Variants in SLC12A5 observed in about 807,000 individuals in gnomAD.
SLC12A5 encodes the protein K-Cl cotransporter 2.
A neutral mutation model predicts 124.0 loss-of-function variants in SLC12A5; 18 were observed. The ratio of observed to expected loss-of-function variants is 0.15; its 90% CI spans 0.10 to 0.22. The LOEUF (loss-of-function observed/expected upper bound fraction) is 0.22. Among genes scored for constraint, SLC12A5 ranks in the 10% least tolerant of loss-of-function variants. The pLI is 1.00. For missense variants in SLC12A5, 867 were observed against 1,478.7 expected (o/e 0.59, Z 6.78); for synonymous variants, 589 against 568.0 (o/e 1.04, Z -0.53).
At chr20:46,046,677 G>A (rs538438825) in intron 14 of SLC12A5, among the ~76,000 whole-genome samples, 35 of 152,216 alleles carry the variant, frequency 2.3e-4, no homozygotes, top group Admixed American at 5.2e-4. Flanking sequence ...TCTCCTGTCC[G>A]TGATGCCCAA....
chr20:46,056,328 A>G lies in SLC12A5; in HGVS notation c.2911-37A>G. The G allele has an allele frequency of 1.2e-6, 2 of 1,610,636 alleles. No homozygotes were observed. Among genetic ancestry groups the G allele is most frequent in the Non-Finnish European group, 1.7e-6 (2 of 1,177,866 alleles). On this transcript the variant is annotated intron_variant, in intron 22 of 25. Coordinates refer to ENST00000243964, the MANE Select transcript of SLC12A5 (RefSeq NM_020708.5). The surrounding 1 kb of genome is among the most constrained non-coding windows in gnomAD (Gnocchi z 4.3). The stretch of plus-strand genomic sequence containing the variant: ...AGTGGGAGCAGAGCCCTTGGCCTCC[A>G]AAGGACTCAACTGCCATCGCTTCAT...
In SLC12A5 at chr20:46,045,828, G is replaced by T; in HGVS notation, c.1570-50G>T. 6.7e-7 allele frequency: 1 copy of T among 1,500,142 alleles called. No homozygotes were observed. The allele number at this position is 1,500,142 out of a possible 1,614,324, so 92.9% of individuals were successfully genotyped here. On this transcript the variant is annotated intron_variant, in intron 12 of 25. Coordinates refer to ENST00000243964, the MANE Select transcript of SLC12A5 (RefSeq NM_020708.5). The surrounding 1 kb of genome is among the most constrained non-coding windows in gnomAD (Gnocchi z 4.9). ...CTGGTTCCCGAGGCTAGGGGAGAGG[G>T]CTGAGAAATCCTTGAGGTCTCAGTC...
chr20:46,040,305 T>C (rs2084533970), intron 6 of SLC12A5, 68 bp from the exon 7 acceptor site: 1 of 1,586,164 alleles, frequency 6.3e-7, no homozygotes. Flanking sequence ...TCTTTTTTCC[T>C]AAAGCGCTGC....
chr20:46,042,009 T>C (rs1282594985), intron 8 of SLC12A5, among the ~76,000 whole-genome samples: 1 of 152,252 alleles, frequency 6.6e-6, no homozygotes, highest in East Asian at 1.9e-4. Context: ...AAATGAAAGA[T>C]CTTCAATTCT....
chr20:46,030,611 T>C (rs569051387), intron 1 of SLC12A5, among the ~76,000 whole-genome samples: 2 of 152,146 alleles, frequency 1.3e-5, no homozygotes, highest in South Asian at 4.1e-4. Flanking sequence ...AACGTTCCCC[T>C]GGGCACTGCT....
chr20:46,042,557 T>C (rs544923379), intron 8 of SLC12A5, among the ~76,000 whole-genome samples: 1 of 152,018 alleles, frequency 6.6e-6, no homozygotes, highest in Non-Finnish European at 1.5e-5. Flanking sequence ...TGGCATCTAG[T>C]AGGTAGAGGC....
In SLC12A5 at chr20:46,049,653, C is replaced by A. The variant is rs1244371557; in HGVS notation, c.2044C>A (p.Gln682Lys). The change falls in exon 17 of 26, where the codon CAA (glutamine) becomes AAA (lysine). Residue 682 changes from glutamine to lysine, a missense_variant. By Grantham distance (53) the Gln-to-Lys change is moderately conservative. This residue lies in a region of SLC12A5 where 38 missense variants were observed against 36.2 expected (regional missense o/e 1.05). Coordinates refer to ENST00000243964, the MANE Select transcript of SLC12A5 (RefSeq NM_020708.5). ...PQLLVLVRVDQDQNVVHPQLL... is the reference protein window; with the variant it reads ...PQLLVLVRVDKDQNVVHPQLL... Reference sequence around the variant, plus strand: ...GCTGCTGGTGCTGGTGCGTGTGGACCAAGACCAGAATGTGGTGCACCCCCA... The same window carrying A: ...GCTGCTGGTGCTGGTGCGTGTGGACAAAGACCAGAATGTGGTGCACCCCCA... The A allele has an allele frequency of 6.2e-7, 1 of 1,606,338 alleles. No individual in the cohort carries two copies. Among genetic ancestry groups the A allele is most frequent in the East Asian group, 2.2e-5 (1 of 44,600 alleles).
Position 46,034,017 on chromosome 20 carries a change from A to T in SLC12A5, c.53-931A>T, listed in dbSNP as rs138421907. On this transcript the variant is annotated intron_variant, in intron 1 of 25. Coordinates refer to ENST00000243964, the MANE Select transcript of SLC12A5 (RefSeq NM_020708.5). ...CTCTGGATGAGGTCCACATTCTTGA[A>T]CACGACCTGCTAATCATTTAAGGGA... Among the ~76,000 whole-genome samples the T allele has an allele frequency of 9.2e-3, 1,403 of 152,192 alleles. 17 individuals carry two copies. The highest frequency in any genetic ancestry group is 0.013 in the Non-Finnish European group (861 of 68,004).
At chr20:46,055,991 G>A (rs924571941) in intron 21 of SLC12A5, 159 bp from the exon 22 acceptor site, 2 of 984,496 alleles carry the variant, frequency 2.0e-6, no homozygotes, top group South Asian at 1.7e-5. Flanking sequence ...CAGATCAGTG[G>A]TGCAGTAGCT....
In SLC12A5 at chr20:46,056,486, A is replaced by ACAAGT. The variant is rs1568869355; in HGVS notation, c.3034_3038dup (p.Val1014SerfsTer24). ...AAGGTGCATCTCACCTGGACCAAGGACAAGTCGGTGGCAGAGAAGAATAAG... is the reference window on the plus strand; with the variant it reads ...AAGGTGCATCTCACCTGGACCAAGGACAAGTCAAGTCGGTGGCAGAGAAGAATAAG... On this transcript the variant is annotated frameshift_variant, in exon 23 of 26. Coordinates refer to ENST00000243964, the MANE Select transcript of SLC12A5 (RefSeq NM_020708.5). LOFTEE classifies it high-confidence loss of function. The surrounding 1 kb of genome is among the most constrained non-coding windows in gnomAD (Gnocchi z 4.3). 1 of 1,614,172 alleles carries ACAAGT rather than the reference A, an allele frequency of 6.2e-7. No individual in the cohort carries two copies. The highest frequency in any genetic ancestry group is 2.2e-5 in the East Asian group (1 of 44,876).
At position 46,056,238 on chromosome 20, in the gene SLC12A5, C is replaced by T. The variant is rs759314815; in HGVS notation, c.2876C>T (p.Thr959Met). The change falls in exon 22 of 26, where the codon ACG (threonine) becomes ATG (methionine). Residue 959 changes from threonine (T) to methionine (M), a missense_variant. By Grantham distance (81) the Thr-to-Met change is moderately conservative. This residue lies in a region of SLC12A5 where 180 missense variants were observed against 243.6 expected (regional missense o/e 0.74). Coordinates refer to ENST00000243964, the MANE Select transcript of SLC12A5 (RefSeq NM_020708.5). The surrounding 1 kb of genome is among the most constrained non-coding windows in gnomAD (Gnocchi z 4.3). ...CTCCGCCTGAACGTCCCAGAAGAGACGGCTGGTGACAGTGAAGAGAAGCCA... is the reference window on the plus strand; with the variant it reads ...CTCCGCCTGAACGTCCCAGAAGAGATGGCTGGTGACAGTGAAGAGAAGCCA... Reference protein sequence around the residue: ...TRLRLNVPEETAGDSEEKPEE... With the variant: ...TRLRLNVPEEMAGDSEEKPEE... 3.0e-5 allele frequency: 48 copies of T among 1,614,038 alleles called. No individual in the cohort carries two copies. The highest frequency in any genetic ancestry group is 6.7e-5 in the East Asian group (3 of 44,894).
Position 46,053,097 on chromosome 20 carries a change from C to T in SLC12A5, c.2518C>T (p.Leu840=), listed in dbSNP as rs762205390. 6.2e-7 allele frequency: 1 copy of T among 1,611,410 alleles called. No individual in the cohort carries two copies. The highest frequency in any genetic ancestry group is 1.1e-5 in the South Asian group (1 of 91,038). ...TGTGCACGATGGAGGCATGCTCATG[C>T]TGCTGCCCTTCCTGCTGCGGCACCA... ...WIVHDGGMLM[L]LPFLLRHHKV... Residue 840 remains leucine, a synonymous_variant, in exon 19 of 26, where the codon CTG becomes TTG. Coordinates refer to ENST00000243964, the MANE Select transcript of SLC12A5 (RefSeq NM_020708.5). This position sits in a 1 kb window ranked among gnomAD's most constrained non-coding sequence, Gnocchi z 4.7.
Position 46,051,661 on chromosome 20 carries a change from T to A in SLC12A5, c.2182-14T>A. 1 of 1,597,194 alleles carries A rather than the reference T, an allele frequency of 6.3e-7. No individual in the cohort carries two copies. On this transcript the variant is annotated splice_polypyrimidine_tract_variant and intron_variant, in intron 17 of 25. Transcript: ENST00000243964. ...AGGCCTGAGGCTGGTCCTTGTCTTTTCCCCCTCCCCTAGTCTATCAGGCGC... is the reference window on the plus strand; with the variant it reads ...AGGCCTGAGGCTGGTCCTTGTCTTTACCCCCTCCCCTAGTCTATCAGGCGC...
At position 46,059,125 on chromosome 20, in the gene SLC12A5, G is replaced by A; in HGVS notation, c.*1520G>A. 4.6e-6 allele frequency: 1 copy of A among 218,494 alleles called. No homozygotes were observed. The highest frequency in any genetic ancestry group is 8.9e-6 in the Non-Finnish European group (1 of 112,290). The allele number at this position is 218,494 out of a possible 1,614,324, so 13.5% of individuals were successfully genotyped here. A position where few individuals can be genotyped will look rare whatever the true frequency, so the allele number is the denominator to read the frequency against. ...TTCCCCTAGGGCACATTACTAAGGG[G>A]GTCAGGCACTGCATGCTCGTTCCAG... On this transcript the variant is annotated 3_prime_UTR_variant, in exon 26 of 26. Coordinates refer to ENST00000243964, the MANE Select transcript of SLC12A5 (RefSeq NM_020708.5).
chr20:46,036,698 G>A (rs1473435496), intron 4 of SLC12A5, 43 bp from the exon 5 acceptor site: 2 of 1,611,792 alleles, frequency 1.2e-6, no homozygotes, highest in East Asian at 2.2e-5. Context: ...GGCCACTGCG[G>A]CCCCTACCCC....
chr20:46,050,668 G>A (rs950612028), intron 17 of SLC12A5, among the ~76,000 whole-genome samples: 2 of 152,214 alleles, frequency 1.3e-5, no homozygotes, highest in Non-Finnish European at 1.5e-5. Context: ...CATTCAACAC[G>A]CGGTGGCTGA....
chr20:46,054,899 C>A lies in SLC12A5; in HGVS notation c.2680-17C>A. The A allele has an allele frequency of 6.3e-7, 1 of 1,598,098 alleles. No individual in the cohort carries two copies. Among genetic ancestry groups the A allele is most frequent in the Non-Finnish European group, 8.6e-7 (1 of 1,165,916 alleles). ...TCCTCTCCCCACCCCCCAACCCCAA[C>A]CTCTGTCTGCCCACAGCATGAGAGC... On this transcript the variant is annotated splice_polypyrimidine_tract_variant and intron_variant, in intron 20 of 25. Coordinates refer to ENST00000243964, the MANE Select transcript of SLC12A5 (RefSeq NM_020708.5).
chr20:46,029,206 C>A (rs567400821), upstream of SLC12A5: 2 of 1,433,152 alleles, frequency 1.4e-6, no homozygotes, highest in Non-Finnish European at 1.8e-6. Context: ...GTGCGCCGGG[C>A]GGGCGGGCAC....
At chr20:46,048,134 C>T in intron 16 of SLC12A5, 49 bp downstream of exon 16, 2 of 1,512,252 alleles carry the variant, frequency 1.3e-6, no homozygotes, top group Non-Finnish European at 1.8e-6. Flanking sequence ...TGCATGAGTG[C>T]AAGGCTCAGG....
Sources: gnomAD v4.1 joint callset for allele counts (sites outside exome capture counted in the v4.1 genomes callset) on GRCh38, gnomAD v4.1.1 for gene constraint, gnomAD v4.1.1 regional missense constraint, Gnocchi (gnomAD v3.1) non-coding constraint, MANE v1.5 for transcripts, NCBI Gene and HGNC (gene_info 2026-07-23, HGNC 2026-07-21) for gene names.